RGS22: variants seen among roughly 807,000 people sequenced by gnomAD.
The protein encoded by RGS22 is regulator of G protein signaling 22.
Under a neutral mutation model 172.9 loss-of-function variants are expected in RGS22, and 148 were observed. That is an observed-to-expected ratio of 0.86 (90% CI 0.75 to 0.98). The LOEUF is 0.98. Ranked by LOEUF, RGS22 falls within the 50% of genes least tolerant of loss-of-function variation. The pLI is 0.00. For missense variants in RGS22, 1,347 were observed against 1,440.8 expected, an observed-to-expected ratio of 0.93 and a Z score of 1.05; for synonymous variants, 458 against 480.2, an observed-to-expected ratio of 0.95 and a Z score of 0.60.
intron 4 of RGS22, among the ~76,000 whole-genome samples, chr8:100,078,834 C>T (rs1445728410): frequency 1.3e-5 from 2 of 152,086 alleles, no homozygotes; most frequent in Non-Finnish European, 1.5e-5. Flanking sequence ...GCCATGTTGC[C>T]CAGACTGGTC....
intron 18 of RGS22, 126 bp from the exon 19 acceptor site, chr8:99,999,546 G>C: frequency 1.2e-6 from 1 of 844,928 alleles, no homozygotes; most frequent in Non-Finnish European, 1.8e-6. Flanking sequence ...TTCATTTTCT[G>C]TATAACATCT....
intron 3 of RGS22, among the ~76,000 whole-genome samples, chr8:100,081,962 A>T (rs1293114353): frequency 6.6e-6 from 1 of 150,520 alleles, no homozygotes; most frequent in African/African-American, 2.4e-5. Flanking sequence ...CCAGAGGAAC[A>T]GAAAGCTGTG....
chr8:100,093,481 AG>A lies in RGS22; in HGVS notation c.82del (p.Val29Ter). The A allele has an allele frequency of 6.3e-7, 1 of 1,598,784 alleles. No homozygotes were observed. The highest frequency in any genetic ancestry group is 8.6e-7 in the Non-Finnish European group (1 of 1,169,320). On this transcript the variant is annotated frameshift_variant, in exon 3 of 28. Coordinates refer to ENST00000360863, the MANE Select transcript of RGS22 (RefSeq NM_015668.5). LOFTEE classifies it high-confidence loss of function. ...FEDSLATDDFLVDYFNEFLSL... is the reference protein window; with the variant it reads ...FEDSLATDDFXVDYFNEFLSL... ...TAGGAATTCATTAAAGTAGTCTACA[AG>A]GAAATCATCTGTTGCCAGAGAATCT...
chr8:100,055,909 G>A (rs1822195782), intron 9 of RGS22, among the ~76,000 whole-genome samples: 1 of 152,150 alleles, frequency 6.6e-6, no homozygotes, highest in Non-Finnish European at 1.5e-5. Context: ...TACCAGTAGA[G>A]TGGGGTGCTG....
intron 10 of RGS22, among the ~76,000 whole-genome samples, chr8:100,051,968 TTTATATATAAATGTTTA>T: frequency 1.6e-5 from 1 of 64,278 alleles, no homozygotes; most frequent in African/African-American, 7.3e-5. Flanking sequence ...TTTATATATA[TTTATATATAAATGTTTA>T]TATATATTTA....
chr8:100,038,802 T>C (rs992580096), intron 14 of RGS22, 129 bp downstream of exon 14: 7 of 454,718 alleles, frequency 1.5e-5, no homozygotes, highest in Admixed American at 4.1e-5. Flanking sequence ...AATACAGTAA[T>C]CCCATGGCAA....
chr8:99,977,819 C>G, intron 23 of RGS22, 98 bp downstream of exon 23: 53 of 971,512 alleles, frequency 5.5e-5, no homozygotes, highest in Non-Finnish European at 6.7e-5. Flanking sequence ...TATTCCATAA[C>G]TTCTCTCTAT....
intron 10 of RGS22, among the ~76,000 whole-genome samples, chr8:100,051,835 G>T (rs1200324344): frequency 8.2e-5 from 3 of 36,718 alleles, no homozygotes; most frequent in African/African-American, 2.7e-4. Context: ...ATATATAAAT[G>T]TTTATATATT....
chr8:100,051,798 T>A (rs1452898271), intron 10 of RGS22, among the ~76,000 whole-genome samples: 1 of 46,066 alleles, frequency 2.2e-5, no homozygotes, highest in Non-Finnish European at 3.8e-5. Context: ...TAAATATATA[T>A]TTATATATAA....
Position 100,071,607 on chromosome 8 carries a change from A to C in RGS22, c.426-70T>G, listed in dbSNP as rs1302878001. Reference sequence around the variant, plus strand: ...GGCAGAATTCAGGGAAAAAACCTAAAATTTTATGTATTCAAGCCAATCTCC... The same window carrying C: ...GGCAGAATTCAGGGAAAAAACCTAACATTTTATGTATTCAAGCCAATCTCC... On this transcript the variant is annotated intron_variant, in intron 5 of 27. Coordinates refer to ENST00000360863, the MANE Select transcript of RGS22 (RefSeq NM_015668.5). 13 of 1,300,206 alleles carry C rather than the reference A, an allele frequency of 1.0e-5. No individual in the cohort carries two copies. The East Asian group carries it at 2.9e-4, about 29-fold the overall frequency. The allele number at this position is 1,300,206 out of a possible 1,614,324, so 80.5% of individuals were successfully genotyped here.
At chr8:100,064,135 G>T in intron 7 of RGS22, 92 bp from the exon 8 acceptor site, 1 of 994,000 alleles carries the variant, frequency 1.0e-6, no homozygotes, top group Non-Finnish European at 1.4e-6. Context: ...ATGGCAAATG[G>T]GTTTATCATA....
At chr8:100,011,015 T>G (rs1816321842) in intron 14 of RGS22, among the ~76,000 whole-genome samples, 1 of 150,900 alleles carries the variant, frequency 6.6e-6, no homozygotes, top group Admixed American at 6.6e-5. Context: ...TAGAGGAGGG[T>G]TGATGAAAGA....
intron 23 of RGS22, 144 bp downstream of exon 23, chr8:99,977,773 G>T: frequency 3.3e-6 from 2 of 609,158 alleles, no homozygotes; most frequent in Non-Finnish European, 5.4e-6. Flanking sequence ...AAAGTCTGAA[G>T]CTTCTGACTG....
At chr8:99,994,850 A>G (rs1191748985) in intron 20 of RGS22, among the ~76,000 whole-genome samples, 1 of 152,238 alleles carries the variant, frequency 6.6e-6, no homozygotes, top group African/African-American at 2.4e-5. Flanking sequence ...GCATCACGCT[A>G]CCTGACTTCA....
intron 13 of RGS22, 129 bp from the exon 14 acceptor site, chr8:100,039,161 T>C (rs939873977): frequency 2.1e-6 from 1 of 470,196 alleles, no homozygotes; most frequent in Non-Finnish European, 3.7e-6. Flanking sequence ...TTTAAGATGG[T>C]TTTAATCTTC....
At chr8:99,992,423 T>C (rs1027571332) in intron 20 of RGS22, among the ~76,000 whole-genome samples, 1 of 152,108 alleles carries the variant, frequency 6.6e-6, no homozygotes, top group Non-Finnish European at 1.5e-5. Flanking sequence ...TGGATGAAGA[T>C]CTATCAAGCA....
chr8:100,061,060 T>C (rs564639732), intron 9 of RGS22, among the ~76,000 whole-genome samples: 2 of 152,194 alleles, frequency 1.3e-5, no homozygotes, highest in African/African-American at 4.8e-5. Context: ...AAACAAGCAA[T>C]GGGGAAAGAA....
chr8:100,089,590 G>A (rs1463349470), intron 3 of RGS22, among the ~76,000 whole-genome samples: 2 of 152,082 alleles, frequency 1.3e-5, no homozygotes, highest in African/African-American at 4.8e-5. Flanking sequence ...GTTTGGCAGA[G>A]CAACTCTTAA....
chr8:99,968,378 T>C (rs972236523), intron 23 of RGS22, among the ~76,000 whole-genome samples: 10 of 152,128 alleles, frequency 6.6e-5, no homozygotes, highest in African/African-American at 2.4e-4. Context: ...GGATGAAGAA[T>C]GAGTTTGACG....
Sources: allele counts gnomAD v4.1 joint callset (sites outside exome capture counted in the v4.1 genomes callset), GRCh38; gene constraint gnomAD v4.1.1; transcripts MANE v1.5; gene names NCBI Gene and HGNC (gene_info 2026-07-23, HGNC 2026-07-21).